Variants in CBLN2 observed in about 807,000 individuals in gnomAD.
The protein encoded by CBLN2 is cerebellin-2.
A neutral mutation model predicts 15.0 loss-of-function variants in CBLN2; 7 were observed. The observed-to-expected ratio is 0.47, with a 90% CI of 0.27 to 0.88. The LOEUF is 0.88. Ranked by LOEUF, CBLN2 falls within the 40% of genes least tolerant of loss-of-function variation. The probability of loss-of-function intolerance (pLI) is 0.14; values close to 1 mark genes in which losing one functional copy is unlikely to be tolerated. For synonymous variants in CBLN2, 149 were observed against 135.2 expected (o/e 1.10, Z -0.71); for missense variants, 242 against 304.5 (o/e 0.79, Z 1.53).
chr18:72,594,599 G>A (rs779001379), intron 1 of CBLN2, among the ~76,000 whole-genome samples: 1 of 152,096 alleles, frequency 6.6e-6, no homozygotes, highest in Non-Finnish European at 1.5e-5. Context: ...AATAGTTTGA[G>A]TAGGATAGGT....
intron 3 of CBLN2, 71 bp from the exon 4 acceptor site, chr18:72,538,843 A>G: frequency 6.4e-7 from 1 of 1,572,904 alleles, no homozygotes. Flanking sequence ...TCATCCTTGG[A>G]TAACCAGCAA....
intron 1 of CBLN2, among the ~76,000 whole-genome samples, chr18:72,630,547 C>CCACA (rs774909309): frequency 1.9e-5 from 2 of 106,852 alleles, no homozygotes; most frequent in African/African-American, 9.4e-5. Context: ...ACCCTCCCCC[C>CCACA]CACACACACA....
intron 1 of CBLN2, among the ~76,000 whole-genome samples, chr18:72,618,066 G>C (rs2144962952): frequency 6.6e-6 from 1 of 152,238 alleles, no homozygotes; most frequent in East Asian, 1.9e-4. Context: ...TTCAAGTAGA[G>C]TTTGAGTATC....
chr18:72,613,843 T>G (rs796645458), intron 1 of CBLN2, among the ~76,000 whole-genome samples: 20 of 152,334 alleles, frequency 1.3e-4, no homozygotes, highest in African/African-American at 4.8e-4. Context: ...GCATCAGATT[T>G]ATTCCTGTAC....
At chr18:72,611,449 G>A (rs2069621784) in intron 1 of CBLN2, among the ~76,000 whole-genome samples, 1 of 152,158 alleles carries the variant, frequency 6.6e-6, no homozygotes, top group South Asian at 2.1e-4. Flanking sequence ...TGACTGGCAT[G>A]AGATGGTATT....
At chr18:72,615,570 C>G (rs1050100996) in intron 1 of CBLN2, among the ~76,000 whole-genome samples, 1 of 151,948 alleles carries the variant, frequency 6.6e-6, no homozygotes, top group African/African-American at 2.4e-5. Context: ...AGCCACCGTG[C>G]CTGGCCCAAG....
At chr18:72,571,927 T>C (rs1220244644) in intron 1 of CBLN2, among the ~76,000 whole-genome samples, 1 of 152,200 alleles carries the variant, frequency 6.6e-6, no homozygotes, top group African/African-American at 2.4e-5. Context: ...CCTTCTATAT[T>C]ATTAAAAATG....
At chr18:72,614,311 G>T (rs540464920) in intron 1 of CBLN2, among the ~76,000 whole-genome samples, 2 of 152,092 alleles carry the variant, frequency 1.3e-5, no homozygotes, top group South Asian at 4.2e-4. Flanking sequence ...GTAACACATC[G>T]AACTTTTGTA....
At chr18:72,571,446 G>T (rs2069331623) in intron 1 of CBLN2, among the ~76,000 whole-genome samples, 1 of 152,156 alleles carries the variant, frequency 6.6e-6, no homozygotes, top group Admixed American at 6.5e-5. Flanking sequence ...TTGCCTAGAA[G>T]GTGGCAAGCA....
At chr18:72,620,820 G>T (rs185480944) in intron 1 of CBLN2, among the ~76,000 whole-genome samples, 5 of 152,194 alleles carry the variant, frequency 3.3e-5, no homozygotes, top group African/African-American at 9.6e-5. Flanking sequence ...TCCAAAATTG[G>T]ATTATTATTT....
chr18:72,588,365 T>C (rs1231376042), intron 1 of CBLN2, among the ~76,000 whole-genome samples: 2 of 152,236 alleles, frequency 1.3e-5, no homozygotes, highest in Admixed American at 1.3e-4. Flanking sequence ...TCTTCTCTTT[T>C]TCTTTTTTAT....
intron 1 of CBLN2, among the ~76,000 whole-genome samples, chr18:72,607,064 A>G (rs2069587984): frequency 6.6e-6 from 1 of 152,196 alleles, no homozygotes; most frequent in South Asian, 2.1e-4. Flanking sequence ...TTATCCCAAT[A>G]TTATTGGTGT....
At chr18:72,548,137 T>C (rs1341021609), upstream of CBLN2, among the ~76,000 whole-genome samples, 1 of 152,180 alleles carries the variant, frequency 6.6e-6, no homozygotes, top group African/African-American at 2.4e-5. Context: ...GCAGCAGAGT[T>C]GAGAGGACTC....
intron 1 of CBLN2, among the ~76,000 whole-genome samples, chr18:72,588,175 G>A (rs573827313): frequency 5.3e-5 from 8 of 152,080 alleles, no homozygotes; most frequent in Non-Finnish European, 2.9e-5. Flanking sequence ...GCTTTCCAGG[G>A]CGTCTGTGAT....
At chr18:72,540,557 C>T (rs762448766) in intron 3 of CBLN2, among the ~76,000 whole-genome samples, 1 of 152,110 alleles carries the variant, frequency 6.6e-6, no homozygotes, top group Non-Finnish European at 1.5e-5. Context: ...GGAAACCTTA[C>T]TAATAGAGTA....
chr18:72,614,347 C>A (rs2069643307), intron 1 of CBLN2, among the ~76,000 whole-genome samples: 1 of 152,128 alleles, frequency 6.6e-6, no homozygotes, highest in Non-Finnish European at 1.5e-5. Context: ...TATTATTAAA[C>A]AATTTAATGA....
intron 1 of CBLN2, among the ~76,000 whole-genome samples, chr18:72,559,387 T>C (rs952911171): frequency 6.6e-6 from 1 of 152,188 alleles, no homozygotes; most frequent in Non-Finnish European, 1.5e-5. Context: ...TTCCCTAACC[T>C]ATTAGGGGCT....
intron 1 of CBLN2, among the ~76,000 whole-genome samples, chr18:72,559,178 G>C (rs2069244775): frequency 6.6e-6 from 1 of 152,212 alleles, no homozygotes. Context: ...TCTTTGATGT[G>C]ATTGCTCCGG....
intron 1 of CBLN2, among the ~76,000 whole-genome samples, chr18:72,588,100 T>A (rs983892223): frequency 1.3e-4 from 20 of 152,254 alleles, no homozygotes; most frequent in Admixed American, 4.6e-4. Flanking sequence ...CTTAGTCATT[T>A]GCTATGTGAC....
Sources: allele counts gnomAD v4.1 joint callset (sites outside exome capture counted in the v4.1 genomes callset), GRCh38; gene constraint gnomAD v4.1.1; transcripts MANE v1.5; gene names NCBI Gene and HGNC (gene_info 2026-07-23, HGNC 2026-07-21).